CASK: variants seen among roughly 807,000 people sequenced by gnomAD.
The protein encoded by CASK is calcium/calmodulin dependent serine protein kinase.
A neutral mutation model predicts 82.9 loss-of-function variants in CASK; 4 were observed. The ratio of observed to expected loss-of-function variants is 0.05; its 90% CI spans 0.02 to 0.11. CASK has a LOEUF of 0.11. Ranked by LOEUF, CASK falls within the 10% of genes least tolerant of loss-of-function variation. The probability of loss-of-function intolerance (pLI) is 1.00; values close to 1 mark genes in which losing one functional copy is unlikely to be tolerated. For synonymous variants in CASK, 259 were observed against 253.5 expected, an observed-to-expected ratio of 1.02 and a Z score of -0.20; for missense variants, 358 against 720.9, an observed-to-expected ratio of 0.50 and a Z score of 5.76.
At chrX:41,870,172 C>T (rs763887699) in intron 1 of CASK, among the ~76,000 whole-genome samples, 1 of 110,395 alleles carries the variant, frequency 9.1e-6, no homozygotes, top group East Asian at 2.8e-4. Context: ...GCAGGATAAA[C>T]AAAAGAAATT....
At chrX:41,540,908 T>G (rs144990649) in intron 22 of CASK, among the ~76,000 whole-genome samples, 1,413 of 112,805 alleles carry the variant, frequency 0.013, 35 homozygotes, top group Admixed American at 0.074. Flanking sequence ...TGAATACTCA[T>G]GTTTACATGA....
At position 41,730,389 on chromosome X, in the gene CASK, A is replaced by C. The variant is rs773949029; in HGVS notation, c.429+8995T>G. 2.4e-3 allele frequency among the ~76,000 whole-genome samples: 262 copies of C among 111,235 alleles called. 1 individual carries two copies. The highest frequency in any genetic ancestry group is 8.2e-3 in the African/African-American group (251 of 30,575). ...AAACCACACACACACACACACAAAA[A>C]CCCAGTAAATTTTTTTTTCCTTTTC... is the stretch of plus-strand genomic sequence containing the variant. On this transcript the variant is annotated intron_variant, in intron 5 of 26. Transcript: ENST00000378163.
At chrX:41,776,976 C>T (rs1234446384) in intron 3 of CASK, among the ~76,000 whole-genome samples, 1 of 111,902 alleles carries the variant, frequency 8.9e-6, no homozygotes, top group Non-Finnish European at 1.9e-5. Flanking sequence ...CAGACAAGTA[C>T]ATCCCTTAAA....
At chrX:41,594,441 T>G (rs1031219521) in intron 12 of CASK, among the ~76,000 whole-genome samples, 3 of 112,216 alleles carry the variant, frequency 2.7e-5, no homozygotes, top group African/African-American at 9.7e-5. Context: ...CACTATCTCA[T>G]TCTCTGGAGG....
chrX:41,646,820 C>T (rs181511560), intron 8 of CASK, among the ~76,000 whole-genome samples: 50 of 111,510 alleles, frequency 4.5e-4, no homozygotes, highest in Non-Finnish European at 8.1e-4. Context: ...TGTATTAACT[C>T]CCATTTTGAC....
At chrX:41,639,712 T>C (rs2066618007) in intron 8 of CASK, among the ~76,000 whole-genome samples, 2 of 111,862 alleles carry the variant, frequency 1.8e-5, no homozygotes, top group Admixed American at 9.6e-5. Flanking sequence ...ACATCCATCA[T>C]GCTCAAAAGT....
At chrX:41,786,805 G>A (rs770335829) in intron 3 of CASK, 8 of 191,109 alleles carry the variant, frequency 4.2e-5, no homozygotes, top group African/African-American at 1.8e-4. Context: ...TAAGTCTGTC[G>A]TTACTTGTTT....
chrX:41,874,607 C>T (rs2071777330), intron 1 of CASK, among the ~76,000 whole-genome samples: 3 of 112,151 alleles, frequency 2.7e-5, no homozygotes, highest in Admixed American at 1.9e-4. Flanking sequence ...TGATTTCCCA[C>T]AAATATTTAG....
intron 14 of CASK, among the ~76,000 whole-genome samples, chrX:41,580,094 G>A (rs779963063): frequency 8.9e-5 from 10 of 111,823 alleles, no homozygotes; most frequent in Non-Finnish European, 1.5e-4. Context: ...CCTTGTACTG[G>A]TACTCCTGAG....
At chrX:41,894,442 T>G (rs992615788) in intron 1 of CASK, among the ~76,000 whole-genome samples, 1 of 110,354 alleles carries the variant, frequency 9.1e-6, no homozygotes, top group Admixed American at 9.6e-5. Context: ...TTAAAAAAAT[T>G]TCAACGAGTA....
chrX:41,552,937 A>T lies in CASK; in HGVS notation c.2039+782T>A, dbSNP rs560426180. ...TTAGGAGGAACTGGCAGGATGCTTAATGGCTGTTATTTTTTGCCACATGAA... is the reference window on the plus strand; with the variant it reads ...TTAGGAGGAACTGGCAGGATGCTTATTGGCTGTTATTTTTTGCCACATGAA... On this transcript the variant is annotated intron_variant, in intron 21 of 26. Transcript: ENST00000378163. Among the ~76,000 whole-genome samples, 9 of 112,000 alleles carry T rather than the reference A, an allele frequency of 8.0e-5. No homozygotes were observed. In the South Asian group the frequency reaches 3.3e-3, roughly 42 times the overall value.
rs1455028060 is a variant in CASK at position 41,749,417 on chromosome X, G to A, written c.279-3816C>T. ...TTTTTTTTTTTTTAGACAGAGTCTT[G>A]CTCTGTCACCCAGGCTGGAGTGCAG... On this transcript the variant is annotated intron_variant, in intron 3 of 26. Transcript: ENST00000378163. Among the ~76,000 whole-genome samples the A allele has an allele frequency of 4.9e-4, 28 of 57,650 alleles. No homozygotes were observed. The Admixed American group carries it at 5.2e-3, about 11-fold the overall frequency. The allele number at this position is 57,650 out of a possible 115,157, so 50.1% of individuals were successfully genotyped here. A position where few individuals can be genotyped will look rare whatever the true frequency, so the allele number is the denominator to read the frequency against.
At position 41,727,347 on chromosome X, in the gene CASK, CTTAATT is replaced by C. The variant is rs763769260; in HGVS notation, c.429+12031_429+12036del. The C allele has an allele frequency of 4.1e-6, 5 of 1,208,850 alleles. No individual in the cohort carries two copies. The East Asian group carries it at 1.5e-4, about 36-fold the overall frequency. ...TGCATGCAAGTATGTTTGTCAGTCT[CTTAATT>C]TTAAGTTGGATTGCCATAAGCCGCT... On this transcript the variant is annotated intron_variant, in intron 5 of 26. Coordinates refer to ENST00000378163, the MANE Select transcript of CASK (RefSeq NM_001367721.1).
chrX:41,690,368 A>G (rs1031641954), intron 5 of CASK, among the ~76,000 whole-genome samples: 9 of 110,320 alleles, frequency 8.2e-5, no homozygotes, highest in Admixed American at 1.9e-4. Context: ...TTTTTTTGAG[A>G]CAGACTCTCG....
chrX:41,569,199 T>G (rs1052652183), intron 16 of CASK, among the ~76,000 whole-genome samples: 2 of 112,125 alleles, frequency 1.8e-5, no homozygotes, highest in Non-Finnish European at 3.8e-5. Flanking sequence ...GAACACTTCT[T>G]AAATGGTTAT....
intron 1 of CASK, among the ~76,000 whole-genome samples, chrX:41,856,689 A>T (rs1038457395): frequency 9.3e-6 from 1 of 107,969 alleles, no homozygotes; most frequent in Admixed American, 9.9e-5. Flanking sequence ...CCAGCTACTC[A>T]GGAGGCTGAG....
chrX:41,686,093 T>C (rs2067434352), intron 5 of CASK, among the ~76,000 whole-genome samples: 1 of 111,307 alleles, frequency 9.0e-6, no homozygotes, highest in Non-Finnish European at 1.9e-5. Context: ...ATGCATTTTT[T>C]TTCTTTTTTT....
At chrX:41,706,937 TAGGAATATTACCC>T (rs1487815707) in intron 5 of CASK, among the ~76,000 whole-genome samples, 1 of 112,250 alleles carries the variant, frequency 8.9e-6, no homozygotes. Flanking sequence ...CCTTTTCTTT[TAGGAATATTACCC>T]AGGAAACTAC....
At chrX:41,887,576 G>A (rs2072072714) in intron 1 of CASK, among the ~76,000 whole-genome samples, 1 of 111,080 alleles carries the variant, frequency 9.0e-6, no homozygotes, top group South Asian at 3.8e-4. Context: ...GAGTAGAAGG[G>A]AGTAACTGAA....
Sources: allele counts gnomAD v4.1 joint callset (sites outside exome capture counted in the v4.1 genomes callset), GRCh38; gene constraint gnomAD v4.1.1; transcripts MANE v1.5; gene names NCBI Gene and HGNC (gene_info 2026-07-23, HGNC 2026-07-21).